Variants in ENDOU observed in about 807,000 individuals in gnomAD.
The protein encoded by ENDOU is uridylate-specific endoribonuclease.
Under a neutral mutation model 54.2 loss-of-function variants are expected in ENDOU, and 49 were observed. The observed-to-expected ratio is 0.90, with a 90% CI of 0.72 to 1.15. ENDOU has a LOEUF of 1.15. ENDOU is among the 50% of genes most tolerant of loss of function. The pLI is 0.00. For missense variants in ENDOU, 458 were observed against 511.4 expected, an observed-to-expected ratio of 0.90 and a Z score of 1.01; for synonymous variants, 172 against 190.5, an observed-to-expected ratio of 0.90 and a Z score of 0.80.
At chr12:47,717,946 A>G (rs1845480821) in intron 3 of ENDOU, 183 bp downstream of exon 3, 2 of 630,972 alleles carry the variant, frequency 3.2e-6, no homozygotes, top group Non-Finnish European at 5.5e-6. Flanking sequence ...CCCTCCTCCC[A>G]TGGCCCCCCA....
chr12:47,725,423 T>A lies in ENDOU; in HGVS notation c.-10A>T, dbSNP rs767168054. 4.3e-6 allele frequency: 7 copies of A among 1,613,928 alleles called. No individual in the cohort carries two copies. Among genetic ancestry groups the A allele is most frequent in the South Asian group, 1.1e-5 (1 of 91,080 alleles). On this transcript the variant is annotated 5_prime_UTR_variant, in exon 1 of 10. Transcript: ENST00000422538. ...AGATGCAGGCCCTCATGGTGCCCAG[T>A]TGGAGGCCAAAAAGGGAGTGGCTGT...
At chr12:47,712,683 C>G in intron 7 of ENDOU, 61 bp from the exon 8 acceptor site, 6 of 1,239,878 alleles carry the variant, frequency 4.8e-6, no homozygotes, top group Non-Finnish European at 5.8e-6. Context: ...CCTCCAATCC[C>G]CTTTCTCCAC....
At chr12:47,723,287 G>C (rs1272454922) in intron 1 of ENDOU, among the ~76,000 whole-genome samples, 1 of 152,180 alleles carries the variant, frequency 6.6e-6, no homozygotes, top group Non-Finnish European at 1.5e-5. Flanking sequence ...AGGTGACCTT[G>C]GGATTTGACA....
At chr12:47,718,099 G>C in intron 3 of ENDOU, 30 bp downstream of exon 3, 1 of 1,547,670 alleles carries the variant, frequency 6.5e-7, no homozygotes, top group Non-Finnish European at 8.8e-7. Flanking sequence ...GCTTTATCTT[G>C]AGGGCCCCCC....
At chr12:47,717,996 C>A (rs1013013141) in intron 3 of ENDOU, 133 bp downstream of exon 3, 2 of 819,094 alleles carry the variant, frequency 2.4e-6, no homozygotes, top group African/African-American at 1.7e-5. Context: ...TGCCCAGGTT[C>A]CCAGAATCCA....
intron 8 of ENDOU, among the ~76,000 whole-genome samples, chr12:47,712,086 G>A (rs1171550211): frequency 6.6e-6 from 1 of 152,194 alleles, no homozygotes; most frequent in African/African-American, 2.4e-5. Flanking sequence ...TGGAAGAGAA[G>A]GATCGTTTAC....
intron 6 of ENDOU, among the ~76,000 whole-genome samples, chr12:47,715,034 T>C (rs946785431): frequency 3.9e-5 from 6 of 152,198 alleles, no homozygotes; most frequent in African/African-American, 1.4e-4. Context: ...TAAGCAGTCA[T>C]CCTCAAAAAC....
chr12:47,722,634 G>A (rs1010096638), intron 1 of ENDOU, among the ~76,000 whole-genome samples: 3 of 152,166 alleles, frequency 2.0e-5, no homozygotes, highest in East Asian at 1.9e-4. Flanking sequence ...TGGCCCCGTC[G>A]ACACACTTAA....
intron 4 of ENDOU, 160 bp downstream of exon 4, chr12:47,717,358 A>T: frequency 1.2e-6 from 1 of 803,746 alleles, no homozygotes; most frequent in Non-Finnish European, 2.0e-6. Flanking sequence ...TCCCATCCCT[A>T]GAGTTTCTAA....
In ENDOU at chr12:47,712,617, C is replaced by T; in HGVS notation, c.871G>A (p.Val291Ile). 4 of 1,611,398 alleles carry T rather than the reference C, an allele frequency of 2.5e-6. No homozygotes were observed. The highest frequency in any genetic ancestry group is 1.1e-5 in the South Asian group (1 of 90,988). The change falls in exon 8 of 10, where the codon GTA (valine) becomes ATA (isoleucine). Residue 291 changes from valine to isoleucine, a missense_variant. Val to Ile is a conservative substitution (Grantham distance 29, BLOSUM62 3). Transcript: ENST00000422538. ...SGFEHVFSGEVKKGKVTGFHN... is the reference protein window; with the variant it reads ...SGFEHVFSGEIKKGKVTGFHN... ...AAGCCAGTAACCTTGCCTTTTTTTA[C>T]CTCACCTATAATAAAGAGTCCAAGA...
intron 6 of ENDOU, among the ~76,000 whole-genome samples, chr12:47,714,183 A>G (rs1267354852): frequency 6.6e-6 from 1 of 152,274 alleles, no homozygotes; most frequent in Non-Finnish European, 1.5e-5. Context: ...CTTAGAAATG[A>G]AGAAACTGAG....
At chr12:47,711,572 G>A in intron 9 of ENDOU, 61 bp downstream of exon 9, 1 of 1,573,072 alleles carries the variant, frequency 6.4e-7, no homozygotes, top group Non-Finnish European at 8.6e-7. Context: ...TTGACTCTGT[G>A]ATGGCTGAGG....
Position 47,717,048 on chromosome 12 carries a change from G to A in ENDOU, c.393C>T (p.His131=), listed in dbSNP as rs752254490. The change falls in exon 5 of 10, where the codon CAC becomes CAT. Residue 131 remains histidine, a synonymous_variant. Coordinates refer to ENST00000422538, the MANE Select transcript of ENDOU (RefSeq NM_001172439.2). ...ESLCSDHEVS[H]SSDAITKEEI... is the part of the protein sequence containing the mutation. ...CCTCTTTTGTTATGGCATCACTGCTGTGGGAGACCTCTGGGAGGAATTGGA... is the reference window on the plus strand; with the variant it reads ...CCTCTTTTGTTATGGCATCACTGCTATGGGAGACCTCTGGGAGGAATTGGA... The A allele has an allele frequency of 1.9e-6, 3 of 1,614,080 alleles. No individual in the cohort carries two copies. Among genetic ancestry groups the A allele is most frequent in the Non-Finnish European group, 1.7e-6 (2 of 1,179,992 alleles).
At chr12:47,713,645 C>CAA (rs769638309) in intron 6 of ENDOU, among the ~76,000 whole-genome samples, 10 of 145,046 alleles carry the variant, frequency 6.9e-5, no homozygotes, top group Non-Finnish European at 1.3e-4. Context: ...CTGGAGGAGT[C>CAA]AAATAATAAG....
At chr12:47,723,525 C>T (rs1303844619) in intron 1 of ENDOU, among the ~76,000 whole-genome samples, 1 of 152,192 alleles carries the variant, frequency 6.6e-6, no homozygotes, top group East Asian at 1.9e-4. Context: ...TGACTCTCTG[C>T]CTTTCTTCAT....
intron 6 of ENDOU, among the ~76,000 whole-genome samples, chr12:47,714,069 A>G (rs1940140089): frequency 6.6e-6 from 1 of 152,236 alleles, no homozygotes; most frequent in South Asian, 2.1e-4. Context: ...TAGATTTACT[A>G]ATTGCTTTCT....
Position 47,720,871 on chromosome 12 carries a change from T to A in ENDOU, c.60A>T (p.Lys20Asn). The A allele has an allele frequency of 6.5e-7, 1 of 1,536,038 alleles. No homozygotes were observed. Among genetic ancestry groups the A allele is most frequent in the Non-Finnish European group, 8.7e-7 (1 of 1,146,870 alleles). The change falls in exon 2 of 10, where the codon AAA becomes AAT. Residue 20 changes from lysine to asparagine, a missense_variant. Transcript: ENST00000422538. ...TACATCGAGATGCACAGGATTCTAT[T>A]TTTCCTATGGGCAGTAAAGGTCACC... Reference protein sequence around the residue: ...AVLCGLAWAGKIESCASRCNE... With the variant: ...AVLCGLAWAGNIESCASRCNE...
chr12:47,711,883 G>T, intron 8 of ENDOU, 108 bp from the exon 9 acceptor site: 1 of 1,262,560 alleles, frequency 7.9e-7, no homozygotes, highest in Non-Finnish European at 1.1e-6. Context: ...TCCATTAGGG[G>T]CCTGTGTGAA....
intron 1 of ENDOU, among the ~76,000 whole-genome samples, chr12:47,721,289 C>A (rs1169966875): frequency 1.3e-5 from 2 of 152,086 alleles, no homozygotes; most frequent in East Asian, 1.9e-4. Context: ...GTTGCCAGAG[C>A]CTTCCCTTTT....
Sources: gnomAD v4.1 joint callset for allele counts (sites outside exome capture counted in the v4.1 genomes callset) on GRCh38, gnomAD v4.1.1 for gene constraint, MANE v1.5 for transcripts, NCBI Gene and HGNC (gene_info 2026-07-23, HGNC 2026-07-21) for gene names.